The following KRT35 variants were observed in gnomAD, a reference collection of about 807,000 sequenced individuals.
The protein encoded by KRT35 is keratin 35, also known as keratin, type I cuticular Ha5.
KRT35 carries 33 observed loss-of-function variants against 42.2 expected under a neutral mutation model. That is an observed-to-expected ratio of 0.78 (90% CI 0.59 to 1.05). The LOEUF is 1.05. KRT35 is among the 50% of genes least tolerant of loss of function. The pLI is 0.00. For synonymous variants in KRT35, 218 were observed against 238.2 expected, an observed-to-expected ratio of 0.92 and a Z score of 0.78; for missense variants, 585 against 589.2, an observed-to-expected ratio of 0.99 and a Z score of 0.07.
rs772215595 is a variant in KRT35 at position 41,477,017 on chromosome 17, C to A, written c.*39G>T. On this transcript the variant is annotated 3_prime_UTR_variant, in exon 7 of 7. Transcript: ENST00000246639. The stretch of plus-strand genomic sequence containing the variant: ...GTTTGGGTAGAGGCCAAGTTCAAGC[C>A]CTGGAGACAATAGCCATGGCCATCT... 2.8e-5 allele frequency: 42 copies of A among 1,524,486 alleles called. No individual in the cohort carries two copies. The highest frequency in any genetic ancestry group is 3.6e-5 in the Non-Finnish European group (41 of 1,141,130). 94.4% of individuals were successfully genotyped at this position (1,524,486 alleles called of 1,614,324 possible). A position where few individuals can be genotyped will look rare whatever the true frequency, so the allele number is the denominator to read the frequency against.
In KRT35 at chr17:41,481,143, A is replaced by C. The variant is rs1490675198; in HGVS notation, c.-46T>G. 5 of 1,399,234 alleles carry C rather than the reference A, an allele frequency of 3.6e-6. No homozygotes were observed. The highest frequency in any genetic ancestry group is 3.9e-6 in the Non-Finnish European group (4 of 1,020,278). The allele number at this position is 1,399,234 out of a possible 1,614,324, so 86.7% of individuals were successfully genotyped here. On this transcript the variant is annotated 5_prime_UTR_variant, in exon 1 of 7. Transcript: ENST00000246639. ...AATTGATAGGTCTCTGAGGCCAGACACCCCAAAGCAGAGAAGCAGCTCCTT... is the reference window on the plus strand; with the variant it reads ...AATTGATAGGTCTCTGAGGCCAGACCCCCCAAAGCAGAGAAGCAGCTCCTT...
Position 41,480,634 on chromosome 17 carries a change from T to TG in KRT35, c.463dup (p.Gln155ProfsTer10), listed in dbSNP as rs1353748135. 6.2e-7 allele frequency: 1 copy of TG among 1,612,268 alleles called. No homozygotes were observed. The highest frequency in any genetic ancestry group is 2.2e-5 in the East Asian group (1 of 44,864). ...CCACTCTGAACCTCTTACCTTCTTCTGGAGCTCCTCGATGGTCCGGAAGTA... is the reference window on the plus strand; with the variant it reads ...CCACTCTGAACCTCTTACCTTCTTCTGGGAGCTCCTCGATGGTCCGGAAGTA... On this transcript the variant is annotated frameshift_variant, in exon 1 of 7. Coordinates refer to ENST00000246639, the MANE Select transcript of KRT35 (RefSeq NM_002280.6). LOFTEE classifies it high-confidence loss of function.
rs199599074 is a variant in KRT35 at position 41,481,019 on chromosome 17, G to T, written c.79C>A (p.Arg27Ser). Residue 27 changes from arginine (R) to serine (S), a missense_variant, in exon 1 of 7, where the codon CGT becomes AGT. By Grantham distance (110) the Arg-to-Ser change is moderately radical (BLOSUM62 -1). Transcript: ENST00000246639. The stretch of plus-strand genomic sequence containing the variant: ...CTGCTGGAGTACATTGCGGACACAC[G>T]AGTGGAGCCCCCACTGGCCCCTCCT... ...SPGGASGGST[R>S]VSAMYSSSSC... 3.1e-6 allele frequency: 5 copies of T among 1,613,858 alleles called. No individual in the cohort carries two copies. In the African/African-American group the frequency reaches 6.7e-5, roughly 22 times the overall value.
intron 6 of KRT35, 80 bp downstream of exon 6, chr17:41,477,438 C>A: frequency 6.4e-7 from 1 of 1,567,598 alleles, no homozygotes; most frequent in Non-Finnish European, 8.7e-7. Context: ...GAATGCCAGG[C>A]TCTTTCTAGG....
At chr17:41,479,530 G>A (rs2019226741) in intron 2 of KRT35, 27 bp from the exon 3 acceptor site, 1 of 1,607,552 alleles carries the variant, frequency 6.2e-7, no homozygotes, top group Non-Finnish European at 8.5e-7. Context: ...GGGCACCTGA[G>A]TCTGCATTTC....
chr17:41,477,228 G>T, intron 6 of KRT35, 25 bp from the exon 7 acceptor site: 2 of 1,612,930 alleles, frequency 1.2e-6, no homozygotes, highest in Non-Finnish European at 1.7e-6. Context: ...ACAAATTACT[G>T]TGATTTTCCA....
At position 41,478,431 on chromosome 17, in the gene KRT35, T is replaced by C. The variant is rs200207761; in HGVS notation, c.929A>G (p.Gln310Arg). Residue 310 changes from glutamine to arginine, a missense_variant, in exon 5 of 7, where the codon CAG (glutamine) becomes CGG (arginine). Coordinates refer to ENST00000246639, the MANE Select transcript of KRT35 (RefSeq NM_002280.6). Reference protein sequence around the residue: ...VSSSEQLQSCQAEIIELRRTV... With the variant: ...VSSSEQLQSCRAEIIELRRTV... ...GCGTCTCAGCTCGATGATCTCTGCC[T>C]GGCAGGACTGCAACTGCTCTGAGCT... The C allele has an allele frequency of 6.2e-7, 1 of 1,614,138 alleles. No individual in the cohort carries two copies. Among genetic ancestry groups the C allele is most frequent in the Non-Finnish European group, 8.5e-7 (1 of 1,179,990 alleles).
chr17:41,479,241 C>G, intron 3 of KRT35, 106 bp downstream of exon 3: 1 of 1,276,436 alleles, frequency 7.8e-7, no homozygotes, highest in Non-Finnish European at 1.1e-6. Flanking sequence ...CTCATGTTCA[C>G]CTCCCCCTAT....
In KRT35 at chr17:41,479,441, A is replaced by T; in HGVS notation, c.617T>A (p.Ile206Asn). 2 of 1,614,142 alleles carry T rather than the reference A, an allele frequency of 1.2e-6. No homozygotes were observed. Among genetic ancestry groups the T allele is most frequent in the Non-Finnish European group, 1.7e-6 (2 of 1,180,022 alleles). The change falls in exon 3 of 7, where the codon ATC (isoleucine) becomes AAC (asparagine). Residue 206 changes from isoleucine (I) to asparagine (N), a missense_variant. Transcript: ENST00000246639. ...CTTGCACAGGGTCAGGTCATCCAGGATCCTGCGCAGGCCGTTGATGTCTGA... is the reference window on the plus strand; with the variant it reads ...CTTGCACAGGGTCAGGTCATCCAGGTTCCTGCGCAGGCCGTTGATGTCTGA... The part of the protein sequence containing the change: ...VESDINGLRR[I>N]LDDLTLCKSD...
chr17:41,477,452 C>A, intron 6 of KRT35, 66 bp downstream of exon 6: 1 of 1,589,960 alleles, frequency 6.3e-7, no homozygotes, highest in Admixed American at 1.7e-5. Flanking sequence ...TTCTAGGCAC[C>A]ATGCTGTCTT....
chr17:41,479,647 C>T (rs556182961), intron 2 of KRT35, 52 bp downstream of exon 2: 17 of 1,584,290 alleles, frequency 1.1e-5, no homozygotes, highest in Admixed American at 1.7e-5. Flanking sequence ...TCAGGCATCA[C>T]CTGTGTCCAG....
Position 41,477,216 on chromosome 17 carries a change from A to C in KRT35, c.1221-13T>G. ...GTTACAGGGGAGCCTAGAAAAAAGAAAACAAATTACTGTGATTTTCCAGTT... is the reference window on the plus strand; with the variant it reads ...GTTACAGGGGAGCCTAGAAAAAAGACAACAAATTACTGTGATTTTCCAGTT... On this transcript the variant is annotated splice_polypyrimidine_tract_variant and intron_variant, in intron 6 of 6. Transcript: ENST00000246639. The C allele has an allele frequency of 6.2e-7, 1 of 1,613,604 alleles. No homozygotes were observed. Among genetic ancestry groups the C allele is most frequent in the Non-Finnish European group, 8.5e-7 (1 of 1,179,728 alleles).
rs367887472 is a variant in KRT35, at chr17:41,478,862, C to T, written c.845G>A (p.Arg282Gln). The change falls in exon 4 of 7, where the codon CGG (arginine) becomes CAG (glutamine). Residue 282 changes from arginine (R) to glutamine (Q), a missense_variant. Physicochemically the swap from Arg to Gln is conservative, Grantham distance 43 (BLOSUM62 1). Coordinates refer to ENST00000246639, the MANE Select transcript of KRT35 (RefSeq NM_002280.6). ...QYETLVENNR[R>Q]DAEDWLDTQS... Reference sequence around the variant, plus strand: ...GGTGTCCAACCAGTCTTCAGCATCCCGGCGGTTATTCTCCACCAGGGTTTC... The same window carrying T: ...GGTGTCCAACCAGTCTTCAGCATCCTGGCGGTTATTCTCCACCAGGGTTTC... The T allele has an allele frequency of 1.1e-5, 18 of 1,613,758 alleles. No homozygotes were observed. Among genetic ancestry groups the T allele is most frequent in the African/African-American group, 2.7e-5 (2 of 74,874 alleles).
Position 41,480,718 on chromosome 17 carries a change from C to T in KRT35, c.380G>A (p.Ser127Asn), listed in dbSNP as rs1342250540. The change falls in exon 1 of 7, where the codon AGC (serine) becomes AAC (asparagine). Residue 127 changes from serine (S) to asparagine (N), a missense_variant. By Grantham distance (46) the Ser-to-Asn change is conservative. Coordinates refer to ENST00000246639, the MANE Select transcript of KRT35 (RefSeq NM_002280.6). ...QLEQENASLE[S>N]RIREWCEQQV... ...CTGCTCACACCACTCACGGATGCGGCTCTCCAGGCTGGCGTTCTCCTGCTC... is the reference window on the plus strand; with the variant it reads ...CTGCTCACACCACTCACGGATGCGGTTCTCCAGGCTGGCGTTCTCCTGCTC... 2 of 1,614,226 alleles carry T rather than the reference C, an allele frequency of 1.2e-6. No homozygotes were observed. The highest frequency in any genetic ancestry group is 1.7e-6 in the Non-Finnish European group (2 of 1,180,050).
rs200843429 is a variant in KRT35 at position 41,478,917 on chromosome 17, G to A, written c.790C>T (p.Arg264Ter). ...VDAAPPVDLN[R>*]VLEEMRCQYE... ...TGGCACCTCATCTCCTCCAGAACTCGGTTCAGGTCAACAGGTGGGGCAGCG... is the reference window on the plus strand; with the variant it reads ...TGGCACCTCATCTCCTCCAGAACTCAGTTCAGGTCAACAGGTGGGGCAGCG... Residue 264 changes from arginine to a stop codon, truncating the protein, a stop_gained, in exon 4 of 7, where the codon CGA (arginine) becomes TGA (stop). Transcript: ENST00000246639. LOFTEE classifies it high-confidence loss of function. 4.3e-5 allele frequency: 70 copies of A among 1,613,986 alleles called. No individual in the cohort carries two copies. The highest frequency in any genetic ancestry group is 3.1e-4 in the East Asian group (14 of 44,866).
In KRT35 at chr17:41,476,734, T is replaced by C; in HGVS notation, c.*322A>G. On this transcript the variant is annotated 3_prime_UTR_variant, in exon 7 of 7. Transcript: ENST00000246639. ...GGGCCTGAGCAAATGCACTTTATTG[T>C]TCTGCCAACAAAAGCCCTCTACTGC... 1 of 249,068 alleles carries C rather than the reference T, an allele frequency of 4.0e-6. No individual in the cohort carries two copies. Among genetic ancestry groups the C allele is most frequent in the Admixed American group, 4.9e-5 (1 of 20,494 alleles). The allele number at this position is 249,068 out of a possible 1,614,324, so 15.4% of individuals were successfully genotyped here.
At chr17:41,477,320 C>G in intron 6 of KRT35, 117 bp from the exon 7 acceptor site, 1 of 1,364,508 alleles carries the variant, frequency 7.3e-7, no homozygotes, top group Non-Finnish European at 1.0e-6. Flanking sequence ...ATCCTGCCCC[C>G]TTGTTTTACC....
At chr17:41,480,142 G>C (rs891338105) in intron 1 of KRT35, among the ~76,000 whole-genome samples, 2 of 152,190 alleles carry the variant, frequency 1.3e-5, no homozygotes, top group African/African-American at 2.4e-5. Flanking sequence ...GGTCATAAAT[G>C]GTCCCTCACA....
intron 3 of KRT35, 21 bp from the exon 4 acceptor site, chr17:41,479,016 A>G (rs1251833525): frequency 1.3e-6 from 2 of 1,599,770 alleles, no homozygotes; most frequent in African/African-American, 2.7e-5. Context: ...GACCAGGATG[A>G]GTACTAATTC....
Sources: gnomAD v4.1 joint callset for allele counts (sites outside exome capture counted in the v4.1 genomes callset) on GRCh38, gnomAD v4.1.1 for gene constraint, MANE v1.5 for transcripts, NCBI Gene and HGNC (gene_info 2026-07-23, HGNC 2026-07-21) for gene names.